The following FAM81B variants were observed in gnomAD, a reference collection of about 807,000 sequenced individuals.
FAM81B encodes protein FAM81B.
In FAM81B, 60 loss-of-function variants were observed where a neutral mutation model predicts 58.7. That is an observed-to-expected ratio of 1.02 (90% CI 0.83 to 1.27). The LOEUF is 1.27. Ranked by LOEUF, FAM81B falls within the 50% of genes most tolerant of loss-of-function variation. FAM81B has a pLI of 0.00. For missense variants in FAM81B, 491 were observed against 522.0 expected, an observed-to-expected ratio of 0.94 and a Z score of 0.58; for synonymous variants, 189 against 179.6, an observed-to-expected ratio of 1.05 and a Z score of -0.42.
intron 3 of FAM81B, among the ~76,000 whole-genome samples, chr5:95,407,261 T>TACACAC (rs5869678): frequency 3.8e-4 from 55 of 143,760 alleles, no homozygotes; most frequent in African/African-American, 1.4e-3. Flanking sequence ...TGTTCTCTTT[T>TACACAC]ACACACACAC....
chr5:95,421,497 G>A (rs1034170254), intron 5 of FAM81B, among the ~76,000 whole-genome samples: 2 of 152,202 alleles, frequency 1.3e-5, no homozygotes, highest in Admixed American at 1.3e-4. Flanking sequence ...AAGGCATTTT[G>A]AGAAAGTTGG....
intron 6 of FAM81B, among the ~76,000 whole-genome samples, chr5:95,433,171 C>T (rs562257656): frequency 5.3e-5 from 8 of 152,154 alleles, no homozygotes; most frequent in Admixed American, 3.9e-4. Flanking sequence ...TACCCAAGAC[C>T]GGGTAATTTA....
Position 95,446,697 on chromosome 5 carries a change from G to A in FAM81B, c.1029G>A (p.Leu343=). 6.2e-7 allele frequency: 1 copy of A among 1,610,740 alleles called. No homozygotes were observed. The highest frequency in any genetic ancestry group is 8.5e-7 in the Non-Finnish European group (1 of 1,179,232). Residue 343 remains leucine (L), a splice_region_variant and synonymous_variant, in exon 8 of 10, where the codon CTG becomes CTA. Coordinates refer to ENST00000283357, the MANE Select transcript of FAM81B (RefSeq NM_152548.3). The part of the protein sequence containing the change: ...NECLKVLQEK[L]EKSENKMEEK... ...GTCTGAAGGTCCTACAGGAGAAACT[G>A]GTGAGGAGTTCTGTTATTTTGTGAA...
At chr5:95,427,062 G>A (rs11746853) in intron 5 of FAM81B, among the ~76,000 whole-genome samples, 134 of 127,772 alleles carry the variant, frequency 1.0e-3, no homozygotes, top group African/African-American at 4.9e-3. Flanking sequence ...AAAAAGAAAA[G>A]AAGCTTTTCC....
At position 95,398,965 on chromosome 5, in the gene FAM81B, A is replaced by T. The variant is rs140263979; in HGVS notation, c.293+2790A>T. Among the ~76,000 whole-genome samples, 706 of 152,336 alleles carry T rather than the reference A, an allele frequency of 4.6e-3. 4 individuals are homozygous for T. The highest frequency in any genetic ancestry group is 0.016 in the African/African-American group (685 of 41,582). On this transcript the variant is annotated intron_variant, in intron 3 of 9. Transcript: ENST00000283357. The stretch of plus-strand genomic sequence containing the variant: ...TTCTATTTGAAAGTCTCTGGAGAAA[A>T]TGAATCCTGAGTTTCTGCTGCCCAT...
chr5:95,422,638 A>G (rs1762717236), intron 5 of FAM81B, among the ~76,000 whole-genome samples: 11 of 152,220 alleles, frequency 7.2e-5, no homozygotes, highest in Admixed American at 7.2e-4. Flanking sequence ...GCACGCCACC[A>G]TGACTGGCTA....
intron 6 of FAM81B, among the ~76,000 whole-genome samples, chr5:95,434,776 T>A (rs1442253671): frequency 6.6e-6 from 1 of 152,238 alleles, no homozygotes; most frequent in Non-Finnish European, 1.5e-5. Flanking sequence ...ATGCCACAAA[T>A]TTACCTCTGA....
At chr5:95,447,255 C>G (rs1040576286) in intron 8 of FAM81B, among the ~76,000 whole-genome samples, 2 of 152,160 alleles carry the variant, frequency 1.3e-5, no homozygotes, top group Non-Finnish European at 2.9e-5. Flanking sequence ...CAGCACAGCG[C>G]CATCACTGTG....
chr5:95,399,078 T>C (rs1378497327), intron 3 of FAM81B, among the ~76,000 whole-genome samples: 2 of 152,216 alleles, frequency 1.3e-5, no homozygotes, highest in African/African-American at 4.8e-5. Context: ...ATAGCCAATA[T>C]ATAACTCAGG....
chr5:95,403,813 C>T (rs1762174505), intron 3 of FAM81B, among the ~76,000 whole-genome samples: 1 of 152,190 alleles, frequency 6.6e-6, no homozygotes, highest in African/African-American at 2.4e-5. Flanking sequence ...CTTTGCATCT[C>T]ATGGGCCAGA....
At chr5:95,403,723 C>T (rs1045447742) in intron 3 of FAM81B, among the ~76,000 whole-genome samples, 1 of 152,128 alleles carries the variant, frequency 6.6e-6, no homozygotes. Context: ...CAACATTCAG[C>T]GAAGAAGAGG....
At chr5:95,426,877 T>C (rs1008656663) in intron 5 of FAM81B, among the ~76,000 whole-genome samples, 6 of 152,112 alleles carry the variant, frequency 3.9e-5, no homozygotes, top group Non-Finnish European at 8.8e-5. Context: ...TGAAACCCCG[T>C]CTCTACTAAA....
At chr5:95,406,777 C>G (rs1233807814) in intron 3 of FAM81B, among the ~76,000 whole-genome samples, 1 of 152,084 alleles carries the variant, frequency 6.6e-6, no homozygotes, top group Non-Finnish European at 1.5e-5. Flanking sequence ...CACATTTATT[C>G]AACATTTTTG....
chr5:95,399,498 G>GCCCC (rs1762051488), intron 3 of FAM81B, among the ~76,000 whole-genome samples: 3 of 148,484 alleles, frequency 2.0e-5, no homozygotes, highest in African/African-American at 7.7e-5. Context: ...CCACCCACCT[G>GCCCC]TGATGGGCAA....
chr5:95,406,342 T>C (rs1219777698), intron 3 of FAM81B: 1 of 154,266 alleles, frequency 6.5e-6, no homozygotes, highest in African/African-American at 2.4e-5. Flanking sequence ...ATTAGTTATA[T>C]ATGGATTTTA....
At chr5:95,406,403 C>T (rs1020292697) in intron 3 of FAM81B, 6 of 152,408 alleles carry the variant, frequency 3.9e-5, no homozygotes, top group African/African-American at 1.4e-4. Flanking sequence ...AGACTTCAAC[C>T]AACTTCACAG....
intron 3 of FAM81B, among the ~76,000 whole-genome samples, chr5:95,408,075 T>A (rs1197622003): frequency 1.6e-3 from 208 of 130,252 alleles, no homozygotes; most frequent in Middle Eastern, 3.6e-3. Flanking sequence ...TCCCCCAAAA[T>A]GAGAGAGAGA....
At chr5:95,443,920 A>G (rs1250114509) in intron 7 of FAM81B, among the ~76,000 whole-genome samples, 1 of 152,192 alleles carries the variant, frequency 6.6e-6, no homozygotes, top group Non-Finnish European at 1.5e-5. Context: ...AGGGATGTTA[A>G]TATTGTATCA....
chr5:95,440,234 G>A (rs1458134860), intron 7 of FAM81B: 1 of 689,908 alleles, frequency 1.4e-6, no homozygotes, highest in Non-Finnish European at 2.7e-6. Flanking sequence ...TAGCTGTGAG[G>A]CTTGAATATG....
Sources: allele counts gnomAD v4.1 joint callset (sites outside exome capture counted in the v4.1 genomes callset), GRCh38; gene constraint gnomAD v4.1.1; transcripts MANE v1.5; gene names NCBI Gene and HGNC (gene_info 2026-07-23, HGNC 2026-07-21).